LAMC3: variants seen among roughly 807,000 people sequenced by gnomAD.
The protein encoded by LAMC3 is laminin subunit gamma 3.
A neutral mutation model predicts 173.8 loss-of-function variants in LAMC3; 128 were observed. The observed-to-expected ratio is 0.74, with a 90% CI of 0.64 to 0.85. The LOEUF is 0.85. LAMC3 is among the 40% of genes least tolerant of loss of function. The probability of loss-of-function intolerance (pLI) is 0.00; values close to 1 mark genes in which losing one functional copy is unlikely to be tolerated. For synonymous variants in LAMC3, 897 were observed against 909.1 expected (o/e 0.99, Z 0.24); for missense variants, 2,022 against 2,156.0 (o/e 0.94, Z 1.23).
intron 25 of LAMC3, among the ~76,000 whole-genome samples, chr9:131,086,841 A>G (rs1345166047): frequency 6.6e-6 from 1 of 151,186 alleles, no homozygotes; most frequent in African/African-American, 2.4e-5. Context: ...AGTCAGCCAA[A>G]CTGCACCACT....
At position 131,061,223 on chromosome 9, in the gene LAMC3, GGTAA is replaced by G; in HGVS notation, c.2347+3_2347+6del. 6.2e-7 allele frequency: 1 copy of G among 1,605,220 alleles called. No homozygotes were observed. Among genetic ancestry groups the G allele is most frequent in the South Asian group, 1.1e-5 (1 of 90,916 alleles). On this transcript the variant is annotated splice_donor_variant and splice_donor_region_variant and intron_variant, in intron 13 of 27. Transcript: ENST00000361069. LOFTEE classifies it high-confidence loss of function. ...TACCCACTGCCCCCCGGGCCAGAGA[GGTAA>G]GTGACTCCTGCCCCGGAGCCCTGCC...
At chr9:131,021,480 A>T (rs1833624383) in intron 1 of LAMC3, among the ~76,000 whole-genome samples, 2 of 152,126 alleles carry the variant, frequency 1.3e-5, no homozygotes, top group South Asian at 4.2e-4. Flanking sequence ...ATACATATAT[A>T]TAACTGTGTA....
At chr9:131,027,519 A>G (rs1833744208) in intron 2 of LAMC3, among the ~76,000 whole-genome samples, 1 of 152,220 alleles carries the variant, frequency 6.6e-6, no homozygotes. Flanking sequence ...AAGCGCCTCT[A>G]GCTGCATTGT....
At chr9:131,058,055 C>G (rs1346274411) in intron 12 of LAMC3, among the ~76,000 whole-genome samples, 1 of 152,190 alleles carries the variant, frequency 6.6e-6, no homozygotes, top group Non-Finnish European at 1.5e-5. Flanking sequence ...AGCCTGGACT[C>G]CTGAGGCCTG....
intron 6 of LAMC3, 103 bp downstream of exon 6, chr9:131,039,351 T>G (rs966016170): frequency 3.2e-6 from 3 of 951,420 alleles, no homozygotes; most frequent in Non-Finnish European, 5.0e-6. Context: ...CCTTCCTGTC[T>G]GCAGCTACCT....
rs1436078297 is a variant in LAMC3, at chr9:131,091,539, T to C, written c.4480T>C (p.Ser1494Pro). ...TLSELLARLG[S>P]LDTHQAPAQA... The stretch of plus-strand genomic sequence containing the variant: ...AGGCTGTTTGTGCCCCACCACAGGG[T>C]CGCTGGACACCCATCAAGCCCCAGC... Residue 1494 changes from serine to proline, a missense_variant and splice_region_variant, in exon 28 of 28, where the codon TCG becomes CCG. Ser to Pro is a moderately conservative substitution (Grantham distance 74). Coordinates refer to ENST00000361069, the MANE Select transcript of LAMC3 (RefSeq NM_006059.4). 1.5e-5 allele frequency: 24 copies of C among 1,578,340 alleles called. No individual in the cohort carries two copies. Among genetic ancestry groups the C allele is most frequent in the Non-Finnish European group, 1.9e-5 (22 of 1,163,114 alleles).
intron 3 of LAMC3, among the ~76,000 whole-genome samples, chr9:131,032,984 G>T (rs1173281490): frequency 2.0e-5 from 3 of 152,202 alleles, no homozygotes; most frequent in Admixed American, 2.0e-4. Flanking sequence ...TAGTATAGGG[G>T]TGTTACTGGC....
chr9:131,046,180 CTTTTTTTTT>C (rs61108655), intron 8 of LAMC3, among the ~76,000 whole-genome samples: 11 of 76,510 alleles, frequency 1.4e-4, no homozygotes, highest in East Asian at 1.1e-3. Flanking sequence ...AGTTTTGCTC[CTTTTTTTTT>C]TTTTTTTTTT....
At position 131,082,110 on chromosome 9, in the gene LAMC3, G is replaced by A; in HGVS notation, c.3979G>A (p.Ala1327Thr). 6.2e-7 allele frequency: 1 copy of A among 1,614,018 alleles called. No homozygotes were observed. The highest frequency in any genetic ancestry group is 1.1e-5 in the South Asian group (1 of 91,060). Residue 1327 changes from alanine to threonine, a missense_variant, in exon 24 of 28, where the codon GCT becomes ACT. Transcript: ENST00000361069. The part of the protein sequence containing the change: ...ALTQASSSVQ[A>T]ATVTVMGART... ...GACCCAGGCTTCCTCATCTGTCCAG[G>A]CTGCGACAGTGACTGTCATGGGAGC...
At chr9:131,041,381 A>G (rs1415359643) in intron 6 of LAMC3, among the ~76,000 whole-genome samples, 1 of 151,922 alleles carries the variant, frequency 6.6e-6, no homozygotes, top group African/African-American at 2.4e-5. Context: ...AAAAAGATTC[A>G]TGGATGATGA....
intron 4 of LAMC3, among the ~76,000 whole-genome samples, chr9:131,036,916 C>T (rs1010735602): frequency 2.6e-5 from 4 of 152,268 alleles, no homozygotes; most frequent in African/African-American, 7.2e-5. Context: ...TCCAGGCTCT[C>T]CATGCACAGC....
chr9:131,051,267 G>A (rs73550466), intron 9 of LAMC3, among the ~76,000 whole-genome samples: 2,767 of 151,918 alleles, frequency 0.018, 76 homozygotes, highest in African/African-American at 0.062. Flanking sequence ...ATTTGTCATG[G>A]TGTTTTTTGG....
chr9:131,082,056 C>T lies in LAMC3; in HGVS notation c.3928-3C>T. ...TGCCCAGCCTCTCCTCATCTCTCTC[C>T]AGCTGCACCAGGAGGCCAGAGCCGC... On this transcript the variant is annotated splice_region_variant and splice_polypyrimidine_tract_variant and intron_variant, in intron 23 of 27. Coordinates refer to ENST00000361069, the MANE Select transcript of LAMC3 (RefSeq NM_006059.4). The T allele has an allele frequency of 1.9e-6, 3 of 1,612,726 alleles. No individual in the cohort carries two copies. The highest frequency in any genetic ancestry group is 2.5e-6 in the Non-Finnish European group (3 of 1,179,046).
chr9:131,077,286 C>T lies in LAMC3; in HGVS notation c.3729C>T (p.Gly1243=), dbSNP rs199639870. The T allele has an allele frequency of 1.1e-5, 18 of 1,613,872 alleles. No homozygotes were observed. The highest frequency in any genetic ancestry group is 2.2e-5 in the South Asian group (2 of 91,096). ...TGTTGGCCACCGTGCAGCAAGTTGG[C>T]GCAGATACAGCCCCGTACCTGGCCT... ...ESVLATVQQV[G]ADTAPYLALL... is the part of the protein sequence containing the mutation. Residue 1243 remains glycine (G), a synonymous_variant, in exon 22 of 28, where the codon GGC becomes GGT. Transcript: ENST00000361069.
intron 13 of LAMC3, among the ~76,000 whole-genome samples, chr9:131,066,593 CGAT>C (rs747017138): frequency 2.0e-5 from 3 of 151,926 alleles, no homozygotes; most frequent in Non-Finnish European, 4.4e-5. Flanking sequence ...ATAATGGTGA[CGAT>C]GATGATGAGG....
At chr9:131,020,353 TCC>T (rs34711801) in intron 1 of LAMC3, among the ~76,000 whole-genome samples, 1 of 152,086 alleles carries the variant, frequency 6.6e-6, no homozygotes, top group South Asian at 2.1e-4. Flanking sequence ...AGCTGGGGAC[TCC>T]CCATGGCCAT....
At chr9:131,079,337 G>C (rs1564389860) in intron 23 of LAMC3, 39 bp downstream of exon 23, 2 of 1,612,430 alleles carry the variant, frequency 1.2e-6, no homozygotes, top group African/African-American at 2.7e-5. Context: ...CCTGGGAGAG[G>C]TTGGGGCTAC....
Position 131,068,179 on chromosome 9 carries a change from A to G in LAMC3, c.2695A>G (p.Ser899Gly). The change falls in exon 15 of 28, where the codon AGC (serine) becomes GGC (glycine). Residue 899 changes from serine to glycine, a missense_variant. By Grantham distance (56) the Ser-to-Gly change is moderately conservative (BLOSUM62 0). Coordinates refer to ENST00000361069, the MANE Select transcript of LAMC3 (RefSeq NM_006059.4). ...GCCTCATGTGACTGCACGGGACTGC[A>G]GCCGCTGCTACCCTGGCTTCTTCGA... ...CLPHVTARDCSRCYPGFFDLQ... is the reference protein window; with the variant it reads ...CLPHVTARDCGRCYPGFFDLQ... 5 of 1,613,216 alleles carry G rather than the reference A, an allele frequency of 3.1e-6. No homozygotes were observed. Among genetic ancestry groups the G allele is most frequent in the Non-Finnish European group, 4.2e-6 (5 of 1,179,916 alleles).
Position 131,055,246 on chromosome 9 carries a change from C to T in LAMC3, c.1940-1683C>T, listed in dbSNP as rs112816448. Among the ~76,000 whole-genome samples, 576 of 152,182 alleles carry T rather than the reference C, an allele frequency of 3.8e-3. 2 individuals carry two copies. The highest frequency in any genetic ancestry group is 0.013 in the African/African-American group (545 of 41,514). On this transcript the variant is annotated intron_variant, in intron 11 of 27. Transcript: ENST00000361069. The stretch of plus-strand genomic sequence containing the variant: ...GAAAGGCTGCTCTGATGAGGAGTGT[C>T]GGCCGCCTCCAGTCTCCCTGTTCTG...
Sources: gnomAD v4.1 joint callset for allele counts (sites outside exome capture counted in the v4.1 genomes callset) on GRCh38, gnomAD v4.1.1 for gene constraint, MANE v1.5 for transcripts, NCBI Gene and HGNC (gene_info 2026-07-23, HGNC 2026-07-21) for gene names.